ESRRG: variants seen among roughly 807,000 people sequenced by gnomAD.
ESRRG encodes the protein estrogen related receptor gamma, also known as estrogen-related receptor gamma.
In ESRRG, 13 loss-of-function variants were observed where a neutral mutation model predicts 44.0. The ratio of observed to expected loss-of-function variants is 0.30; its 90% CI spans 0.19 to 0.47. The LOEUF (loss-of-function observed/expected upper bound fraction) is 0.47, where lower values mean the gene tolerates loss of function less well. ESRRG is among the 20% of genes least tolerant of loss of function. ESRRG has a pLI of 1.00. For missense variants in ESRRG, 395 were observed against 580.6 expected (o/e 0.68, Z 3.29); for synonymous variants, 215 against 214.6 (o/e 1.00, Z -0.02).
At chr1:216,733,095 T>C (rs375300638) in intron 2 of ESRRG, among the ~76,000 whole-genome samples, 1 of 151,834 alleles carries the variant, frequency 6.6e-6, no homozygotes, top group African/African-American at 2.4e-5. Context: ...ACTTTAAAAC[T>C]ACCATATTTG....
At chr1:216,690,876 G>A (rs2211118) in intron 1 of ESRRG, among the ~76,000 whole-genome samples, 119,964 of 152,096 alleles carry the variant, frequency 0.79, 47,391 homozygotes, top group Admixed American at 0.81. Flanking sequence ...ACTAAGGCCT[G>A]CAGTGAAAAA....
intron 1 of ESRRG, among the ~76,000 whole-genome samples, chr1:217,050,844 G>A (rs1449956805): frequency 1.3e-5 from 2 of 152,088 alleles, no homozygotes; most frequent in East Asian, 3.9e-4. Context: ...GGGCTTGAAT[G>A]TCAGTACGGG....
At chr1:217,120,001 T>C (rs192878697) in intron 1 of ESRRG, among the ~76,000 whole-genome samples, 1 of 152,336 alleles carries the variant, frequency 6.6e-6, no homozygotes, top group Admixed American at 6.5e-5. Context: ...TAATAATAAG[T>C]AGATGTTGCT....
At chr1:216,598,653 T>C (rs2058766046) in intron 3 of ESRRG, among the ~76,000 whole-genome samples, 1 of 152,178 alleles carries the variant, frequency 6.6e-6, no homozygotes, top group African/African-American at 2.4e-5. Flanking sequence ...TCACTTAAAG[T>C]CATGCTGTGC....
At chr1:216,600,992 C>T (rs2059145951) in intron 3 of ESRRG, among the ~76,000 whole-genome samples, 1 of 152,222 alleles carries the variant, frequency 6.6e-6, no homozygotes, top group Admixed American at 6.5e-5. Flanking sequence ...GGAGAAAGAG[C>T]TGCTTCGGCG....
intron 2 of ESRRG, among the ~76,000 whole-genome samples, chr1:216,813,346 A>G (rs1322268324): frequency 6.6e-6 from 1 of 152,188 alleles, no homozygotes; most frequent in Non-Finnish European, 1.5e-5. Flanking sequence ...CTTTTGAGTT[A>G]TAAAGGACAT....
intron 1 of ESRRG, among the ~76,000 whole-genome samples, chr1:217,122,173 G>T (rs1335779381): frequency 6.6e-6 from 1 of 152,100 alleles, no homozygotes; most frequent in East Asian, 1.9e-4. Flanking sequence ...ATTTTTAAGG[G>T]ATCTTCTTTT....
In ESRRG at chr1:216,946,737, T is replaced by C. The variant is rs570480846; in HGVS notation, c.-105-7064A>G. Among the ~76,000 whole-genome samples, 20 of 152,212 alleles carry C rather than the reference T, an allele frequency of 1.3e-4. No homozygotes were observed. In the South Asian group the frequency reaches 3.7e-3, roughly 28 times the overall value. Reference sequence around the variant, plus strand: ...TTTTTTCTTTCTTTCTTTGTTTTTTTAGGGAGTCTCCCTCTGTCACCACGG... The same window carrying C: ...TTTTTTCTTTCTTTCTTTGTTTTTTCAGGGAGTCTCCCTCTGTCACCACGG... On this transcript the variant is annotated intron_variant, in intron 1 of 7. Coordinates refer to the ESRRG transcript ENST00000359162.
chr1:216,991,116 C>A (rs1332164894), intron 1 of ESRRG, among the ~76,000 whole-genome samples: 1 of 152,036 alleles, frequency 6.6e-6, no homozygotes, highest in Non-Finnish European at 1.5e-5. Flanking sequence ...TGCAAGGGAT[C>A]TAGTTTGCGT....
intron 2 of ESRRG, among the ~76,000 whole-genome samples, chr1:216,771,607 T>C (rs989976632): frequency 6.6e-6 from 1 of 152,106 alleles, no homozygotes; most frequent in Non-Finnish European, 1.5e-5. Context: ...AAAGCCTTTA[T>C]TTGATGATGC....
At chr1:216,759,939 T>C (rs936944461) in intron 2 of ESRRG, among the ~76,000 whole-genome samples, 2 of 152,134 alleles carry the variant, frequency 1.3e-5, no homozygotes, top group Non-Finnish European at 2.9e-5. Flanking sequence ...ACTTGCCTAG[T>C]TCCTGCTCAA....
intron 3 of ESRRG, among the ~76,000 whole-genome samples, chr1:216,638,587 C>T (rs1386147483): frequency 6.6e-6 from 1 of 152,102 alleles, no homozygotes; most frequent in Non-Finnish European, 1.5e-5. Context: ...AAATTAAATG[C>T]TAAACAGTAT....
At chr1:216,752,906 C>T (rs2092154683) in intron 2 of ESRRG, among the ~76,000 whole-genome samples, 1 of 152,008 alleles carries the variant, frequency 6.6e-6, no homozygotes, top group Non-Finnish European at 1.5e-5. Context: ...AAAATTGTTA[C>T]AGTGATTAGA....
intron 2 of ESRRG, among the ~76,000 whole-genome samples, chr1:216,832,597 A>G (rs1417226044): frequency 2.0e-5 from 3 of 152,214 alleles, no homozygotes; most frequent in Non-Finnish European, 2.9e-5. Context: ...AAACTGGCCC[A>G]TCTGGTGGTG....
chr1:217,096,282 T>G (rs1264937634), intron 1 of ESRRG, among the ~76,000 whole-genome samples: 5 of 152,172 alleles, frequency 3.3e-5, no homozygotes, highest in African/African-American at 1.2e-4. Flanking sequence ...GAGAAAGAGT[T>G]TTCCTTGGCA....
chr1:216,630,339 T>C (rs1376816781), intron 3 of ESRRG, among the ~76,000 whole-genome samples: 1 of 152,112 alleles, frequency 6.6e-6, no homozygotes, highest in Non-Finnish European at 1.5e-5. Context: ...ATGACTGAAT[T>C]ACAGTTAGAC....
At chr1:216,644,081 G>A (rs545999437) in intron 3 of ESRRG, among the ~76,000 whole-genome samples, 12 of 152,250 alleles carry the variant, frequency 7.9e-5, no homozygotes, top group African/African-American at 2.9e-4. Context: ...GGGGCCGTGG[G>A]CAAGTCACTA....
chr1:216,547,237 G>T (rs556894613), intron 5 of ESRRG, among the ~76,000 whole-genome samples: 1 of 137,814 alleles, frequency 7.3e-6, no homozygotes, highest in South Asian at 2.2e-4. Flanking sequence ...AATGTAGCTG[G>T]ATGATGTTGA....
chr1:217,088,398 C>CTTTTTTTTTTTTTTT (rs71585811), intron 1 of ESRRG, among the ~76,000 whole-genome samples: 3 of 59,738 alleles, frequency 5.0e-5, no homozygotes, highest in African/African-American at 1.5e-4. Flanking sequence ...TTTTTCCTGT[C>CTTTTTTTTTTTTTTT]TTTTTTTTTT....
Sources: gnomAD v4.1 joint callset for allele counts (sites outside exome capture counted in the v4.1 genomes callset) on GRCh38, gnomAD v4.1.1 for gene constraint, MANE v1.5 for transcripts, NCBI Gene and HGNC (gene_info 2026-07-23, HGNC 2026-07-21) for gene names.